SPAG16: variants seen among roughly 807,000 people sequenced by gnomAD.
The protein encoded by SPAG16 is sperm-associated antigen 16 protein.
A neutral mutation model predicts 80.4 loss-of-function variants in SPAG16; 86 were observed. The ratio of observed to expected loss-of-function variants is 1.07; its 90% CI spans 0.90 to 1.28. The LOEUF is 1.28. Ranked by LOEUF, SPAG16 falls within the 50% of genes most tolerant of loss-of-function variation. The pLI is 0.00. For missense variants in SPAG16, 870 were observed against 765.3 expected (o/e 1.14, Z -1.61); for synonymous variants, 294 against 265.9 (o/e 1.11, Z -1.03).
In SPAG16 at chr2:214,367,171, T is replaced by C. The variant is rs574440956; in HGVS notation, c.1721-42969T>C. Among the ~76,000 whole-genome samples the C allele has an allele frequency of 2.0e-5, 3 of 152,300 alleles. No individual in the cohort carries two copies. The East Asian group carries it at 5.8e-4, about 29-fold the overall frequency. On this transcript the variant is annotated intron_variant, in intron 15 of 15. Transcript: ENST00000331683. ...AATTTGTAATATCTTAATGCTTTCA[T>C]ACAGAAAAGGTTAAGAGTGATGAAA...
intron 8 of SPAG16, among the ~76,000 whole-genome samples, chr2:213,374,588 A>T (rs2066794828): frequency 6.6e-6 from 1 of 151,874 alleles, no homozygotes; most frequent in Admixed American, 6.6e-5. Flanking sequence ...TGTCCTTAAC[A>T]TAGTGAAGCA....
chr2:213,594,745 G>C (rs967937201), intron 10 of SPAG16, among the ~76,000 whole-genome samples: 1 of 152,144 alleles, frequency 6.6e-6, no homozygotes, highest in Non-Finnish European at 1.5e-5. Context: ...ATAAGGGATA[G>C]ACACACAGGA....
At chr2:213,956,024 C>T (rs1559627305) in intron 12 of SPAG16, among the ~76,000 whole-genome samples, 1 of 151,956 alleles carries the variant, frequency 6.6e-6, no homozygotes, top group Admixed American at 6.6e-5. Flanking sequence ...AGGCAACAAT[C>T]TCGGCTCACT....
intron 7 of SPAG16, among the ~76,000 whole-genome samples, chr2:213,355,570 C>T (rs1159589664): frequency 2.6e-5 from 4 of 152,160 alleles, no homozygotes; most frequent in East Asian, 1.9e-4. Context: ...TCCTTGAAGA[C>T]GTCCTTTACA....
At chr2:213,770,566 G>T (rs1221816710) in intron 10 of SPAG16, among the ~76,000 whole-genome samples, 1 of 152,048 alleles carries the variant, frequency 6.6e-6, no homozygotes, top group Non-Finnish European at 1.5e-5. Context: ...CATCACATAG[G>T]TATTAAGCCC....
chr2:214,017,271 T>C (rs866241546), intron 13 of SPAG16, among the ~76,000 whole-genome samples: 3 of 152,174 alleles, frequency 2.0e-5, no homozygotes, highest in African/African-American at 7.2e-5. Flanking sequence ...CAGACATTGA[T>C]GCAGTGGAGT....
chr2:213,792,331 T>C (rs935813854), intron 10 of SPAG16, among the ~76,000 whole-genome samples: 3 of 152,208 alleles, frequency 2.0e-5, no homozygotes, highest in African/African-American at 7.2e-5. Flanking sequence ...GCAACAGTTG[T>C]GCCTCCCTCA....
At chr2:214,097,780 A>C (rs1288387701) in intron 13 of SPAG16, among the ~76,000 whole-genome samples, 1 of 152,042 alleles carries the variant, frequency 6.6e-6, no homozygotes, top group Non-Finnish European at 1.5e-5. Context: ...ACTAAATGTC[A>C]TCTCTGCTAT....
intron 15 of SPAG16, among the ~76,000 whole-genome samples, chr2:214,261,042 G>A (rs1432119415): frequency 5.9e-5 from 8 of 136,528 alleles, no homozygotes; most frequent in African/African-American, 2.2e-4. Flanking sequence ...GGGAGGCAGA[G>A]GTTGCAGTGA....
intron 15 of SPAG16, among the ~76,000 whole-genome samples, chr2:214,218,614 T>C (rs2058491033): frequency 1.3e-5 from 2 of 152,218 alleles, no homozygotes; most frequent in South Asian, 4.1e-4. Context: ...CTTCATATTG[T>C]GCAGGTTTTA....
At chr2:213,576,208 G>T (rs1395355983) in intron 10 of SPAG16, among the ~76,000 whole-genome samples, 3 of 152,050 alleles carry the variant, frequency 2.0e-5, no homozygotes, top group Non-Finnish European at 4.4e-5. Flanking sequence ...GTTTTTGTCA[G>T]GTTTGTCAAA....
chr2:213,326,353 G>C (rs947427747), intron 5 of SPAG16, among the ~76,000 whole-genome samples: 1 of 151,934 alleles, frequency 6.6e-6, no homozygotes. Context: ...CCCAGCTTTT[G>C]TGAAGACCCA....
intron 10 of SPAG16, among the ~76,000 whole-genome samples, chr2:213,556,367 A>G (rs907912636): frequency 2.0e-5 from 3 of 150,498 alleles, no homozygotes; most frequent in African/African-American, 7.3e-5. Flanking sequence ...GCCTCACTTT[A>G]CTTCTAAAAA....
chr2:213,732,533 A>G (rs1192261721), intron 10 of SPAG16, among the ~76,000 whole-genome samples: 1 of 152,150 alleles, frequency 6.6e-6, no homozygotes, highest in Admixed American at 6.5e-5. Flanking sequence ...TTTGCTTATG[A>G]TTGCCTTGGC....
At chr2:214,381,455 T>C (rs146717920) in intron 15 of SPAG16, among the ~76,000 whole-genome samples, 61 of 152,354 alleles carry the variant, frequency 4.0e-4, no homozygotes, top group African/African-American at 1.4e-3. Flanking sequence ...ACATTTTTCA[T>C]TTACAGTAAA....
chr2:213,519,488 C>T (rs748170137), intron 10 of SPAG16, among the ~76,000 whole-genome samples: 1 of 152,166 alleles, frequency 6.6e-6, no homozygotes, highest in Non-Finnish European at 1.5e-5. Flanking sequence ...CCTGCAAAAG[C>T]TCTTTGCCTG....
rs532567933 is a variant in SPAG16, at chr2:213,712,631, C to T, written c.1071-149854C>T. 9.9e-5 allele frequency among the ~76,000 whole-genome samples: 15 copies of T among 152,212 alleles called. No homozygotes were observed. In the South Asian group the frequency reaches 2.9e-3, roughly 29 times the overall value. On this transcript the variant is annotated intron_variant, in intron 10 of 15. Coordinates refer to ENST00000331683, the MANE Select transcript of SPAG16 (RefSeq NM_024532.5). ...ATTGAAAGAAGTCAGCATCCTGTGG[C>T]ATTTGCCCTTCTTTCTCTCTAGGGA...
intron 9 of SPAG16, among the ~76,000 whole-genome samples, chr2:213,483,794 C>T (rs566283157): frequency 6.6e-6 from 1 of 152,294 alleles, no homozygotes; most frequent in East Asian, 1.9e-4. Context: ...TAGGCACTTA[C>T]TTAACTTTAG....
chr2:214,352,202 G>C (rs79604755), intron 15 of SPAG16, among the ~76,000 whole-genome samples: 15,913 of 152,100 alleles, frequency 0.1, 920 homozygotes, highest in Middle Eastern at 0.16. Context: ...TTCAACATAT[G>C]AATCAGGAGA....
Sources: gnomAD v4.1 joint callset for allele counts (sites outside exome capture counted in the v4.1 genomes callset) on GRCh38, gnomAD v4.1.1 for gene constraint, MANE v1.5 for transcripts, NCBI Gene and HGNC (gene_info 2026-07-23, HGNC 2026-07-21) for gene names.